The following TENM3 variants were observed in gnomAD, a reference collection of about 807,000 sequenced individuals.
The protein encoded by TENM3 is teneurin transmembrane protein 3.
Under a neutral mutation model 255.1 loss-of-function variants are expected in TENM3, and 63 were observed. That is an observed-to-expected ratio of 0.25 (90% CI 0.20 to 0.30). The LOEUF (loss-of-function observed/expected upper bound fraction) is 0.30. Ranked by LOEUF, TENM3 falls within the 10% of genes least tolerant of loss-of-function variation. The pLI, the probability that TENM3 is intolerant of heterozygous loss-of-function variation, is 1.00. For synonymous variants in TENM3, 1,306 were observed against 1,322.3 expected (o/e 0.99, Z 0.27); for missense variants, 2,929 against 3,461.1 (o/e 0.85, Z 3.86).
chr4:181,695,316 AG>A, the TENM3 span, among the ~76,000 whole-genome samples: 5 of 152,314 alleles, frequency 3.3e-5, no homozygotes, highest in African/African-American at 1.2e-4. Flanking sequence ...CAATTTAGCA[AG>A]TAGACTCAAC....
intron 1 of TENM3, among the ~76,000 whole-genome samples, chr4:182,152,701 A>C (rs1046156998): frequency 6.6e-6 from 1 of 151,622 alleles, no homozygotes; most frequent in African/African-American, 2.4e-5. Flanking sequence ...AGGGACTTTG[A>C]GTCAACACTT....
chr4:182,561,742 A>T (rs986702612), intron 3 of TENM3, among the ~76,000 whole-genome samples: 1 of 152,104 alleles, frequency 6.6e-6, no homozygotes. Flanking sequence ...TAAGTATTAC[A>T]TGGATATTAA....
chr4:181,680,458 G>C, the TENM3 span, among the ~76,000 whole-genome samples: 4 of 152,176 alleles, frequency 2.6e-5, no homozygotes, highest in African/African-American at 4.8e-5. Flanking sequence ...TCAAACTACA[G>C]GTCGATAGAC....
At chr4:182,552,881 T>C (rs1742193535) in intron 3 of TENM3, among the ~76,000 whole-genome samples, 1 of 152,182 alleles carries the variant, frequency 6.6e-6, no homozygotes, top group African/African-American at 2.4e-5. Flanking sequence ...CAAGTTAAAC[T>C]GTGACTGAAT....
intron 3 of TENM3, among the ~76,000 whole-genome samples, chr4:182,360,738 TTA>T (rs1468336572): frequency 1.3e-5 from 2 of 152,074 alleles, no homozygotes; most frequent in Non-Finnish European, 2.9e-5. Context: ...GTTAATATTG[TTA>T]TGTGTGAATT....
the TENM3 span, among the ~76,000 whole-genome samples, chr4:181,809,813 A>G: frequency 6.6e-6 from 1 of 152,164 alleles, no homozygotes; most frequent in Non-Finnish European, 1.5e-5. Context: ...AGCTCAGGTT[A>G]TGTGAGAAGC....
the TENM3 span, among the ~76,000 whole-genome samples, chr4:181,553,875 T>G: frequency 1.3e-5 from 2 of 151,834 alleles, 1 homozygote; most frequent in Admixed American, 1.3e-4. Flanking sequence ...TCCCTTTAAG[T>G]GGGCTCTTAG....
chr4:182,595,854 AATT>A (rs1747167424), intron 3 of TENM3, among the ~76,000 whole-genome samples: 1 of 150,920 alleles, frequency 6.6e-6, no homozygotes, highest in African/African-American at 2.4e-5. Context: ...GGTAAAATAT[AATT>A]TATAATAATT....
chr4:182,561,989 T>TAGATAGATAGAC (rs1743235550), intron 3 of TENM3, among the ~76,000 whole-genome samples: 1 of 96,300 alleles, frequency 1.0e-5, no homozygotes, highest in East Asian at 3.7e-4. Context: ...GATAGACAGA[T>TAGATAGATAGAC]AGATAGATAG....
At chr4:182,373,101 C>T (rs1221843216) in intron 3 of TENM3, among the ~76,000 whole-genome samples, 1 of 152,140 alleles carries the variant, frequency 6.6e-6, no homozygotes, top group Non-Finnish European at 1.5e-5. Flanking sequence ...ATGGTATATA[C>T]CTGTCACCTC....
chr4:182,274,510 A>T (rs1288918713), intron 1 of TENM3, among the ~76,000 whole-genome samples: 1 of 152,126 alleles, frequency 6.6e-6, no homozygotes, highest in African/African-American at 2.4e-5. Flanking sequence ...GTGTTTGGAT[A>T]TTGAAAGAGG....
chr4:181,826,816 G>T, the TENM3 span, among the ~76,000 whole-genome samples: 5 of 152,142 alleles, frequency 3.3e-5, no homozygotes, highest in South Asian at 2.1e-4. Context: ...CTCCCCAGAC[G>T]ATTTTAATGT....
chr4:182,431,642 G>A (rs1167775960), intron 3 of TENM3, among the ~76,000 whole-genome samples: 1 of 152,180 alleles, frequency 6.6e-6, no homozygotes, highest in Non-Finnish European at 1.5e-5. Flanking sequence ...GGAGAGCTAT[G>A]TGAACTGAGA....
chr4:182,533,293 G>C (rs1406649642), intron 3 of TENM3, among the ~76,000 whole-genome samples: 1 of 152,128 alleles, frequency 6.6e-6, no homozygotes, highest in Non-Finnish European at 1.5e-5. Flanking sequence ...GCTCATGCCT[G>C]TAGTCCCAAG....
At chr4:181,582,597 A>C in the TENM3 span, among the ~76,000 whole-genome samples, 1 of 150,874 alleles carries the variant, frequency 6.6e-6, no homozygotes, top group East Asian at 2.0e-4. Context: ...CAGGGAGCCG[A>C]GATAGTGCCA....
chr4:182,124,681 A>G, the TENM3 span, among the ~76,000 whole-genome samples: 2 of 152,350 alleles, frequency 1.3e-5, no homozygotes, highest in South Asian at 4.1e-4. Flanking sequence ...GAAAGTGTGC[A>G]GGCGGAGAAA....
the TENM3 span, among the ~76,000 whole-genome samples, chr4:181,915,031 G>GT: frequency 5.3e-5 from 8 of 152,132 alleles, no homozygotes; most frequent in Non-Finnish European, 1.2e-4. Flanking sequence ...GCCCTGGGCC[G>GT]TTTTTTCCCA....
the TENM3 span, among the ~76,000 whole-genome samples, chr4:181,901,295 C>T: frequency 2.6e-5 from 4 of 152,292 alleles, no homozygotes; most frequent in Non-Finnish European, 4.4e-5. Context: ...CCACTACTCA[C>T]GCCACCCTAG....
chr4:181,708,323 C>T, the TENM3 span, among the ~76,000 whole-genome samples: 7 of 152,008 alleles, frequency 4.6e-5, no homozygotes, highest in Non-Finnish European at 7.4e-5. Context: ...TAATAATTTA[C>T]GGACATAATT....
Sources: allele counts gnomAD v4.1 joint callset (sites outside exome capture counted in the v4.1 genomes callset), GRCh38; gene constraint gnomAD v4.1.1; transcripts MANE v1.5; gene names NCBI Gene and HGNC (gene_info 2026-07-23, HGNC 2026-07-21).